Variants in ARSG observed in about 807,000 individuals in gnomAD.
ARSG encodes the protein arylsulfatase G.
Under a neutral mutation model 50.5 loss-of-function variants are expected in ARSG, and 37 were observed. The ratio of observed to expected loss-of-function variants is 0.73; its 90% CI spans 0.56 to 0.96. ARSG has a LOEUF of 0.96. ARSG is among the 50% of genes least tolerant of loss of function. The pLI, the probability that ARSG is intolerant of heterozygous loss-of-function variation, is 0.00. For missense variants in ARSG, 629 were observed against 675.3 expected (o/e 0.93, Z 0.76); for synonymous variants, 225 against 254.6 (o/e 0.88, Z 1.11).
At chr17:68,449,227 C>G in the ARSG span, among the ~76,000 whole-genome samples, 1 of 152,188 alleles carries the variant, frequency 6.6e-6, no homozygotes, top group African/African-American at 2.4e-5. Flanking sequence ...TGTTTATTTA[C>G]TTATTTAACA....
At position 68,278,117 on chromosome 17, in the gene ARSG, T is replaced by A. The variant is rs559205384; in HGVS notation, c.-552+18691T>A. The A allele has an allele frequency of 5.0e-6, 8 of 1,613,678 alleles. No individual in the cohort carries two copies. In the South Asian group the frequency reaches 8.8e-5, roughly 18 times the overall value. On this transcript the variant is annotated intron_variant, in intron 1 of 11. Transcript: ENST00000448504. ...AAAATGTTAAGACAAACACACAGAT[T>A]GAGATTATCCATGAGATCCTGCTAT...
At chr17:68,266,404 TTTG>T (rs2075162014) in intron 1 of ARSG, among the ~76,000 whole-genome samples, 1 of 77,168 alleles carries the variant, frequency 1.3e-5, no homozygotes, top group African/African-American at 4.3e-5. Flanking sequence ...TATATACTTT[TTTG>T]TATAAAAAGT....
In ARSG at chr17:68,372,234, ATCTGTCTG is replaced by A. The variant is rs1221766333; in HGVS notation, c.982+1719_982+1726del. 3.9e-5 allele frequency among the ~76,000 whole-genome samples: 6 copies of A among 152,252 alleles called. No homozygotes were observed. In the East Asian group the frequency reaches 1.2e-3, roughly 29 times the overall value. On this transcript the variant is annotated intron_variant, in intron 8 of 11. Coordinates refer to ENST00000621439, the MANE Select transcript of ARSG (RefSeq NM_001267727.2). ...GAATTAGAGGGAACCAAAAAGGTCT[ATCTGTCTG>A]TCTGTCTGCCAGTTCTATCTAACTG...
chr17:68,436,523 A>G, the ARSG span: 1 of 1,581,726 alleles, frequency 6.3e-7, no homozygotes, highest in Non-Finnish European at 8.7e-7. Flanking sequence ...GGGCCAAGGG[A>G]GAGATTGCAC....
At chr17:68,282,536 C>T (rs150924972) in intron 1 of ARSG, among the ~76,000 whole-genome samples, 20,093 of 151,082 alleles carry the variant, frequency 0.13, 1,702 homozygotes, top group Middle Eastern at 0.22. Flanking sequence ...CAGTGGCTCA[C>T]GCCTGTAATC....
At chr17:68,421,667 G>GC (rs1270346129), downstream of ARSG, 93 of 1,511,154 alleles carry the variant, frequency 6.2e-5, no homozygotes, top group Middle Eastern at 1.7e-4. Flanking sequence ...CGGGATTCCT[G>GC]CCCCCCTTTC....
chr17:68,336,150 C>T (rs748088272), intron 2 of ARSG, among the ~76,000 whole-genome samples: 9 of 150,732 alleles, frequency 6.0e-5, no homozygotes, highest in South Asian at 2.1e-4. Flanking sequence ...CTGCCTGCCT[C>T]GGCCTCCCAA....
At chr17:68,358,884 C>T in intron 6 of ARSG, among the ~76,000 whole-genome samples, 1 of 152,062 alleles carries the variant, frequency 6.6e-6, no homozygotes, top group Non-Finnish European at 1.5e-5. Context: ...CCAAAACCGG[C>T]TGGGCGTGGT....
At chr17:68,370,387 G>A in intron 7 of ARSG, 57 bp from the exon 8 acceptor site, 1 of 1,522,744 alleles carries the variant, frequency 6.6e-7, no homozygotes, top group African/African-American at 1.4e-5. Flanking sequence ...AGAGTGGGAG[G>A]GTCAGCGAAA....
downstream of ARSG, chr17:68,421,994 G>A (rs146849453): frequency 7.2e-6 from 5 of 694,828 alleles, no homozygotes; most frequent in South Asian, 6.5e-5. Flanking sequence ...TTATTTAGGT[G>A]TAGACAAGTA....
At chr17:68,287,315 C>G (rs1337687817), upstream of ARSG, among the ~76,000 whole-genome samples, 1 of 151,698 alleles carries the variant, frequency 6.6e-6, no homozygotes, top group East Asian at 1.9e-4. Context: ...GCATGCCCAG[C>G]CTTCTTCTTC....
At chr17:68,415,213 T>C (rs1414127512) in intron 11 of ARSG, among the ~76,000 whole-genome samples, 1 of 152,176 alleles carries the variant, frequency 6.6e-6, no homozygotes, top group African/African-American at 2.4e-5. Context: ...GAGGTTTTGA[T>C]AGGTTGTGTC....
Position 68,356,699 on chromosome 17 carries a change from C to G in ARSG, c.599C>G (p.Ala200Gly). ...CAAAGAGACTGTTACACTGACGTGG[C>G]CCTCCCTCTTTATGAAAACCTCAAC... ...NLQRDCYTDV[A>G]LPLYENLNIV... Residue 200 changes from alanine to glycine, a missense_variant, in exon 6 of 12, where the codon GCC becomes GGC. Coordinates refer to ENST00000621439, the MANE Select transcript of ARSG (RefSeq NM_001267727.2). The G allele has an allele frequency of 6.2e-7, 1 of 1,614,192 alleles. No homozygotes were observed. Among genetic ancestry groups the G allele is most frequent in the Non-Finnish European group, 8.5e-7 (1 of 1,180,016 alleles).
At chr17:68,424,982 A>G (rs536213728), downstream of ARSG, among the ~76,000 whole-genome samples, 1 of 152,368 alleles carries the variant, frequency 6.6e-6, no homozygotes, top group Admixed American at 6.5e-5. Flanking sequence ...ATGTTACTCC[A>G]GATGGGAGCC....
intron 1 of ARSG, among the ~76,000 whole-genome samples, chr17:68,292,043 C>T (rs553281226): frequency 6.6e-6 from 1 of 152,176 alleles, no homozygotes; most frequent in South Asian, 2.1e-4. Flanking sequence ...CTCGCGCACC[C>T]CCACAGTTCC....
the ARSG span, among the ~76,000 whole-genome samples, chr17:68,437,010 A>ATG: frequency 1.3e-4 from 10 of 77,908 alleles, no homozygotes; most frequent in South Asian, 6.5e-4. Flanking sequence ...AAAAAAATAT[A>ATG]TATATATGTG....
intron 2 of ARSG, among the ~76,000 whole-genome samples, chr17:68,320,254 C>T (rs909119336): frequency 1.3e-5 from 2 of 150,058 alleles, no homozygotes; most frequent in Admixed American, 6.7e-5. Flanking sequence ...CGTGCCACTG[C>T]ACTCTGGCCT....
At chr17:68,300,665 G>A (rs186402563) in intron 1 of ARSG, among the ~76,000 whole-genome samples, 5 of 152,228 alleles carry the variant, frequency 3.3e-5, no homozygotes, top group East Asian at 1.9e-4. Flanking sequence ...GATGCATGGC[G>A]TGATGCCACC....
chr17:68,299,681 A>G (rs2076342652), intron 1 of ARSG, among the ~76,000 whole-genome samples: 1 of 152,192 alleles, frequency 6.6e-6, no homozygotes, highest in African/African-American at 2.4e-5. Flanking sequence ...CATAAATGAA[A>G]AGAAAAGAGA....
Sources: gnomAD v4.1 joint callset for allele counts (sites outside exome capture counted in the v4.1 genomes callset) on GRCh38, gnomAD v4.1.1 for gene constraint, MANE v1.5 for transcripts, NCBI Gene and HGNC (gene_info 2026-07-23, HGNC 2026-07-21) for gene names.